ZNF831: variants seen among roughly 807,000 people sequenced by gnomAD.
The protein encoded by ZNF831 is zinc finger protein 831.
ZNF831 carries 59 observed loss-of-function variants against 95.8 expected under a neutral mutation model. The observed-to-expected ratio is 0.62, with a 90% confidence interval of 0.50 to 0.77. ZNF831 has a LOEUF of 0.77. Ranked by LOEUF, ZNF831 falls within the 30% of genes least tolerant of loss-of-function variation. The pLI is 0.00. For synonymous variants in ZNF831, 961 were observed against 925.5 expected (o/e 1.04, Z -0.70); for missense variants, 2,205 against 2,164.0 (o/e 1.02, Z -0.38).
intron 3 of ZNF831, among the ~76,000 whole-genome samples, chr20:59,203,158 A>G (rs1387719302): frequency 2.1e-4 from 32 of 152,208 alleles, no homozygotes; most frequent in Admixed American, 2.1e-3. Flanking sequence ...TACTTTCAAA[A>G]ATATGCAGAT....
intron 1 of ZNF831, among the ~76,000 whole-genome samples, chr20:59,133,604 T>A (rs1979412337): frequency 6.6e-6 from 1 of 151,910 alleles, no homozygotes; most frequent in African/African-American, 2.4e-5. Flanking sequence ...AAAGCATGGA[T>A]TTTGGGTTAT....
intron 4 of ZNF831, among the ~76,000 whole-genome samples, chr20:59,209,436 AACAG>A (rs1985136853): frequency 1.3e-5 from 2 of 152,136 alleles, no homozygotes; most frequent in South Asian, 2.1e-4. Flanking sequence ...ATGTAGGGAG[AACAG>A]ACAGAGACTT....
At chr20:59,136,556 T>C (rs1001402262) in intron 1 of ZNF831, among the ~76,000 whole-genome samples, 3 of 152,210 alleles carry the variant, frequency 2.0e-5, no homozygotes, top group Middle Eastern at 3.2e-3. Context: ...ACCTGCATGT[T>C]CATGTTTAAA....
At chr20:59,157,985 C>T (rs944083165) in intron 2 of ZNF831, among the ~76,000 whole-genome samples, 7 of 152,180 alleles carry the variant, frequency 4.6e-5, no homozygotes, top group African/African-American at 1.7e-4. Context: ...AATTAATCTA[C>T]AAAAACAGTG....
rs539330114 is a variant in ZNF831, at chr20:59,179,277, C to G, written c.-36-11707C>G. 3.9e-5 allele frequency among the ~76,000 whole-genome samples: 6 copies of G among 152,202 alleles called. No individual in the cohort carries two copies. The East Asian group carries it at 9.6e-4, about 24-fold the overall frequency. ...TGGGGGATAGCCCTGGTGTTACCCC[C>G]GCTTGTACCTGCTCCTCTCTGGTTG... On this transcript the variant is annotated intron_variant, in intron 1 of 5. Transcript: ENST00000371030.
chr20:59,124,980 G>A (rs1483447981), intron 1 of ZNF831, among the ~76,000 whole-genome samples: 1 of 152,242 alleles, frequency 6.6e-6, no homozygotes, highest in East Asian at 1.9e-4. Flanking sequence ...TCTAGAGCGA[G>A]CAAGTATTTT....
At chr20:59,143,889 A>C (rs746998626) in intron 1 of ZNF831, among the ~76,000 whole-genome samples, 1 of 152,244 alleles carries the variant, frequency 6.6e-6, no homozygotes, top group Non-Finnish European at 1.5e-5. Flanking sequence ...TTCAGAGTGA[A>C]GGTCAACAAA....
intron 2 of ZNF831, among the ~76,000 whole-genome samples, chr20:59,148,960 C>T (rs986391154): frequency 1.6e-4 from 24 of 152,168 alleles, no homozygotes; most frequent in African/African-American, 5.8e-4. Context: ...TTGCAGCGTT[C>T]TGGGCTGCGG....
At chr20:59,203,585 C>A (rs1601393080) in intron 3 of ZNF831, among the ~76,000 whole-genome samples, 1 of 152,298 alleles carries the variant, frequency 6.6e-6, no homozygotes, top group South Asian at 2.1e-4. Flanking sequence ...TTAGCTGGAC[C>A]TTTGCATAAA....
At chr20:59,202,002 G>A (rs188130728) in intron 3 of ZNF831, among the ~76,000 whole-genome samples, 1 of 152,278 alleles carries the variant, frequency 6.6e-6, no homozygotes, top group East Asian at 1.9e-4. Flanking sequence ...GTGTCATCAG[G>A]CTTACCTCAT....
At chr20:59,219,702 G>A (rs1319515073) in intron 4 of ZNF831, among the ~76,000 whole-genome samples, 1 of 152,104 alleles carries the variant, frequency 6.6e-6, no homozygotes, top group African/African-American at 2.4e-5. Flanking sequence ...TTCATCCCTC[G>A]ATCATAAAGA....
intron 1 of ZNF831, among the ~76,000 whole-genome samples, chr20:59,124,091 C>T (rs1202715799): frequency 1.3e-5 from 2 of 152,276 alleles, no homozygotes; most frequent in East Asian, 3.9e-4. Flanking sequence ...GACTCCTACG[C>T]AAAATAATCT....
At chr20:59,125,152 A>T (rs1331143145) in intron 1 of ZNF831, among the ~76,000 whole-genome samples, 1 of 152,234 alleles carries the variant, frequency 6.6e-6, no homozygotes. Flanking sequence ...TGAATGTGAC[A>T]GCCTGGGGAC....
rs923117070 is a variant in ZNF831, at chr20:59,165,437, G to A, written c.-37+1230G>A. On this transcript the variant is annotated intron_variant, in intron 1 of 5. Coordinates refer to ENST00000371030, the MANE Select transcript of ZNF831 (RefSeq NM_178457.3). ...CAATCCTTTGAACAAATGAACATGA[G>A]CCCCACTTTTCAGATAAGGAAAACA... 2.0e-5 allele frequency among the ~76,000 whole-genome samples: 3 copies of A among 152,142 alleles called. No homozygotes were observed. The South Asian group carries it at 6.2e-4, about 31-fold the overall frequency.
At chr20:59,251,955 G>T (rs1025018696) in intron 4 of ZNF831, among the ~76,000 whole-genome samples, 9 of 152,180 alleles carry the variant, frequency 5.9e-5, no homozygotes, top group African/African-American at 2.2e-4. Context: ...GGCCATAGGG[G>T]TTAGAGAACT....
Position 59,255,003 on chromosome 20 carries a change from G to A in ZNF831, c.*260G>A. 1 of 399,052 alleles carries A rather than the reference G, an allele frequency of 2.5e-6. No individual in the cohort carries two copies. Among genetic ancestry groups the A allele is most frequent in the South Asian group, 3.5e-5 (1 of 28,518 alleles). The allele number at this position is 399,052 out of a possible 1,614,324, so 24.7% of individuals were successfully genotyped here. On this transcript the variant is annotated 3_prime_UTR_variant, in exon 6 of 6. Coordinates refer to ENST00000371030, the MANE Select transcript of ZNF831 (RefSeq NM_178457.3). ...CAGACATGGCAAGGAAGCAAACTCT[G>A]CAAATGGTCAACGTGCACAGTGACT...
intron 4 of ZNF831, among the ~76,000 whole-genome samples, chr20:59,219,674 C>T: frequency 6.6e-6 from 1 of 152,196 alleles, no homozygotes; most frequent in East Asian, 1.9e-4. Flanking sequence ...AAGGCCGTCA[C>T]TCTTTATCAT....
rs762096322 is a variant in ZNF831 at position 59,254,644 on chromosome 20, C to T, written c.4935C>T (p.Ser1645=). ...PIEIPEAPSK[S]LKKRSLEGMR... ...AAATTCCTGAAGCCCCTTCTAAATC[C>T]CTCAAGAAGAGGAGTCTGGAAGGAA... The change falls in exon 6 of 6, where the codon TCC becomes TCT. Residue 1645 remains serine, a synonymous_variant. Transcript: ENST00000371030. The surrounding 1 kb of genome is among the most constrained non-coding windows in gnomAD (Gnocchi z 4.5). The T allele has an allele frequency of 6.2e-7, 1 of 1,614,068 alleles. No homozygotes were observed. Among genetic ancestry groups the T allele is most frequent in the South Asian group, 1.1e-5 (1 of 91,080 alleles).
At chr20:59,232,395 C>A in intron 4 of ZNF831, among the ~76,000 whole-genome samples, 1 of 151,806 alleles carries the variant, frequency 6.6e-6, no homozygotes, top group African/African-American at 2.4e-5. Flanking sequence ...TGATCTCGCT[C>A]ATGGGGGTAG....
Sources: allele counts gnomAD v4.1 joint callset (sites outside exome capture counted in the v4.1 genomes callset), GRCh38; gene constraint gnomAD v4.1.1; non-coding constraint Gnocchi (gnomAD v3.1); transcripts MANE v1.5; gene names NCBI Gene and HGNC (gene_info 2026-07-23, HGNC 2026-07-21).